SIPA1L1: variants seen among roughly 807,000 people sequenced by gnomAD.
SIPA1L1 encodes signal-induced proliferation-associated 1-like protein 1.
Under a neutral mutation model 162.7 loss-of-function variants are expected in SIPA1L1, and 26 were observed. The observed-to-expected ratio is 0.16, with a 90% CI of 0.12 to 0.22. SIPA1L1 has a LOEUF of 0.22. SIPA1L1 is among the 10% of genes least tolerant of loss of function. The pLI, the probability that SIPA1L1 is intolerant of heterozygous loss-of-function variation, is 1.00. For missense variants in SIPA1L1, 1,874 were observed against 2,241.0 expected, an observed-to-expected ratio of 0.84 and a Z score of 3.31; for synonymous variants, 829 against 837.4, an observed-to-expected ratio of 0.99 and a Z score of 0.17.
chr14:71,423,342 A>T (rs117435397), intron 2 of SIPA1L1, among the ~76,000 whole-genome samples: 210 of 152,194 alleles, frequency 1.4e-3, no homozygotes, highest in Non-Finnish European at 2.5e-3. Flanking sequence ...AGTCCAATTT[A>T]TCTGTTTTTT....
At chr14:71,409,395 T>A (rs1331950296) in intron 2 of SIPA1L1, among the ~76,000 whole-genome samples, 1 of 152,166 alleles carries the variant, frequency 6.6e-6, no homozygotes, top group African/African-American at 2.4e-5. Context: ...AGAGACTGGC[T>A]CTTTCTGATA....
At chr14:71,507,453 A>G (rs1434657236) in intron 2 of SIPA1L1, among the ~76,000 whole-genome samples, 1 of 152,192 alleles carries the variant, frequency 6.6e-6, no homozygotes, top group South Asian at 2.1e-4. Context: ...TAATCAATTG[A>G]TGTGTAGTTC....
At chr14:71,488,245 A>G (rs937602696) in intron 2 of SIPA1L1, among the ~76,000 whole-genome samples, 9 of 152,274 alleles carry the variant, frequency 5.9e-5, no homozygotes, top group African/African-American at 2.2e-4. Flanking sequence ...ATTCACTTTC[A>G]TTACTGATTA....
chr14:71,490,383 T>A (rs539954614), intron 2 of SIPA1L1, among the ~76,000 whole-genome samples: 1 of 152,344 alleles, frequency 6.6e-6, no homozygotes, highest in African/African-American at 2.4e-5. Context: ...TGATACCTTT[T>A]AATGGTGTCA....
intron 4 of SIPA1L1, chr14:71,574,350 C>G (rs929818492): frequency 1.3e-5 from 2 of 152,634 alleles, no homozygotes; most frequent in African/African-American, 2.4e-5. Context: ...TGAAGTCTCA[C>G]GAGAACCCGG....
chr14:71,328,905 ACT>A (rs2034162731), intron 2 of SIPA1L1, among the ~76,000 whole-genome samples: 1 of 152,186 alleles, frequency 6.6e-6, no homozygotes, highest in African/African-American at 2.4e-5. Context: ...CGAATCTGAA[ACT>A]CTGTAAGCAT....
intron 2 of SIPA1L1, among the ~76,000 whole-genome samples, chr14:71,345,428 AG>A (rs1385511138): frequency 1.3e-5 from 2 of 152,178 alleles, no homozygotes; most frequent in East Asian, 3.9e-4. Flanking sequence ...AGTAACAGAA[AG>A]TTACAGCTCA....
chr14:71,498,791 G>C (rs957169191), intron 2 of SIPA1L1, among the ~76,000 whole-genome samples: 17 of 152,138 alleles, frequency 1.1e-4, no homozygotes, highest in African/African-American at 3.9e-4. Flanking sequence ...TTTTCAGATG[G>C]AGCTTTCTTG....
At chr14:71,608,058 T>C (rs1224825596) in intron 5 of SIPA1L1, among the ~76,000 whole-genome samples, 1 of 152,212 alleles carries the variant, frequency 6.6e-6, no homozygotes, top group Admixed American at 6.5e-5. Context: ...TCAATTCCTT[T>C]TCCAGTCTTC....
At chr14:71,423,578 C>G (rs2043346708) in intron 2 of SIPA1L1, among the ~76,000 whole-genome samples, 1 of 152,084 alleles carries the variant, frequency 6.6e-6, no homozygotes, top group Non-Finnish European at 1.5e-5. Flanking sequence ...TGTCCTTTCC[C>G]CATTGAATGG....
At chr14:71,579,602 G>A (rs1433336136) in intron 4 of SIPA1L1, among the ~76,000 whole-genome samples, 1 of 152,192 alleles carries the variant, frequency 6.6e-6, no homozygotes, top group African/African-American at 2.4e-5. Flanking sequence ...TGTATTTAAG[G>A]ACATGCTAAG....
intron 13 of SIPA1L1, among the ~76,000 whole-genome samples, chr14:71,690,087 C>T (rs575697486): frequency 1.3e-5 from 2 of 152,286 alleles, no homozygotes; most frequent in South Asian, 4.1e-4. Context: ...AGAATATTAG[C>T]TGTGGTTAGA....
chr14:71,521,220 A>G (rs2052322050), intron 3 of SIPA1L1, among the ~76,000 whole-genome samples: 1 of 152,206 alleles, frequency 6.6e-6, no homozygotes, highest in South Asian at 2.1e-4. Flanking sequence ...AGACAGATTA[A>G]CAAGAGAGAA....
intron 2 of SIPA1L1, among the ~76,000 whole-genome samples, chr14:71,464,542 A>G (rs765927975): frequency 1.4e-4 from 22 of 151,986 alleles, no homozygotes; most frequent in Non-Finnish European, 2.6e-4. Flanking sequence ...TTAGGAGGCT[A>G]AGGCAGGAGA....
intron 3 of SIPA1L1, among the ~76,000 whole-genome samples, chr14:71,518,315 G>A (rs1168559822): frequency 2.6e-5 from 4 of 151,898 alleles, no homozygotes; most frequent in Non-Finnish European, 5.9e-5. Flanking sequence ...TTTTTTAAAT[G>A]CAAGTCTTTA....
intron 2 of SIPA1L1, among the ~76,000 whole-genome samples, chr14:71,368,142 C>CTT (rs755238643): frequency 1.2e-4 from 14 of 115,188 alleles, no homozygotes; most frequent in East Asian, 2.5e-4. Flanking sequence ...TTGTGGTATT[C>CTT]TTTTTTTTTT....
At chr14:71,541,756 G>C (rs773639787) in intron 4 of SIPA1L1, among the ~76,000 whole-genome samples, 2 of 152,184 alleles carry the variant, frequency 1.3e-5, no homozygotes, top group African/African-American at 2.4e-5. Context: ...CTGGGTGACA[G>C]AGTGAAACTC....
Position 71,733,769 on chromosome 14 carries a change from C to T in SIPA1L1, c.4965C>T (p.Asp1655=). ...TGCCCCTGCCTGACACTGCTGCAGA[C>T]TTGGATTGGTCCAACCTGGTAGATG... ...GLMPLPDTAA[D]LDWSNLVDAA... Residue 1655 remains aspartate (D), a synonymous_variant, in exon 21 of 24, where the codon GAC becomes GAT. Transcript: ENST00000381232. 2.5e-6 allele frequency: 4 copies of T among 1,613,398 alleles called. No homozygotes were observed. Among genetic ancestry groups the T allele is most frequent in the Non-Finnish European group, 2.5e-6 (3 of 1,180,032 alleles).
At chr14:71,569,151 G>A (rs2031416032) in intron 4 of SIPA1L1, among the ~76,000 whole-genome samples, 1 of 151,778 alleles carries the variant, frequency 6.6e-6, no homozygotes, top group South Asian at 2.1e-4. Context: ...TAAAAAAAAT[G>A]TATGAAGACA....
Sources: gnomAD v4.1 joint callset for allele counts (sites outside exome capture counted in the v4.1 genomes callset) on GRCh38, gnomAD v4.1.1 for gene constraint, MANE v1.5 for transcripts, NCBI Gene and HGNC (gene_info 2026-07-23, HGNC 2026-07-21) for gene names.